The following TRHDE variants were observed in gnomAD, a reference collection of about 807,000 sequenced individuals.
The protein encoded by TRHDE is thyrotropin-releasing hormone-degrading ectoenzyme.
A neutral mutation model predicts 125.7 loss-of-function variants in TRHDE; 72 were observed. The ratio of observed to expected loss-of-function variants is 0.57; its 90% CI spans 0.47 to 0.70. The LOEUF (loss-of-function observed/expected upper bound fraction) is 0.70, where lower values mean the gene tolerates loss of function less well. Ranked by LOEUF, TRHDE falls within the 30% of genes least tolerant of loss-of-function variation. The probability of loss-of-function intolerance (pLI) is 0.00; values close to 1 mark genes in which losing one functional copy is unlikely to be tolerated. For missense variants in TRHDE, 1,110 were observed against 1,327.1 expected, an observed-to-expected ratio of 0.84 and a Z score of 2.54; for synonymous variants, 509 against 509.1, an observed-to-expected ratio of 1.00 and a Z score of 0.00.
At chr12:72,393,769 A>G (rs995403127) in intron 3 of TRHDE, among the ~76,000 whole-genome samples, 1 of 152,188 alleles carries the variant, frequency 6.6e-6, no homozygotes, top group Non-Finnish European at 1.5e-5. Flanking sequence ...AGCCTAGAGA[A>G]TAAATCTTAG....
intron 1 of TRHDE, among the ~76,000 whole-genome samples, chr12:72,094,395 T>A (rs1592437720): frequency 6.6e-6 from 1 of 152,070 alleles, no homozygotes; most frequent in East Asian, 1.9e-4. Flanking sequence ...CTGGGGTTAC[T>A]GATGAGCATA....
chr12:72,371,611 A>C lies in TRHDE; in HGVS notation c.1189-6384A>C, dbSNP rs1204996036. ...CTGTGTCCATGTGTTCTCATTGTTCAGTTCCCATCTATGAGTGAGAACATG... is the reference window on the plus strand; with the variant it reads ...CTGTGTCCATGTGTTCTCATTGTTCCGTTCCCATCTATGAGTGAGAACATG... On this transcript the variant is annotated intron_variant, in intron 2 of 18. Transcript: ENST00000261180. 5.3e-5 allele frequency among the ~76,000 whole-genome samples: 8 copies of C among 151,018 alleles called. No homozygotes were observed. In the East Asian group the frequency reaches 1.6e-3, roughly 29 times the overall value.
chr12:72,644,659 A>G (rs12370471), intron 15 of TRHDE, among the ~76,000 whole-genome samples: 10,734 of 152,288 alleles, frequency 0.07, 439 homozygotes, highest in Middle Eastern at 0.11. Context: ...GTTTGGACTA[A>G]TAAGTGTCAT....
chr12:72,512,797 A>G (rs757903456), intron 6 of TRHDE, among the ~76,000 whole-genome samples: 23 of 151,366 alleles, frequency 1.5e-4, no homozygotes, highest in Non-Finnish European at 2.9e-4. Flanking sequence ...TTGATAAATG[A>G]GAAGTATACA....
At chr12:72,226,663 A>G (rs1245029569) in intron 2 of TRHDE, among the ~76,000 whole-genome samples, 1 of 152,168 alleles carries the variant, frequency 6.6e-6, no homozygotes, top group Non-Finnish European at 1.5e-5. Context: ...TGCAATGAAG[A>G]ATACACTAAA....
chr12:72,398,479 CTATT>C (rs370021675), intron 3 of TRHDE, among the ~76,000 whole-genome samples: 17 of 152,208 alleles, frequency 1.1e-4, no homozygotes, highest in African/African-American at 3.6e-4. Flanking sequence ...ATAGCAGTGT[CTATT>C]TATTCAATTG....
At chr12:72,237,589 G>A (rs1163976709) in intron 2 of TRHDE, among the ~76,000 whole-genome samples, 1 of 152,120 alleles carries the variant, frequency 6.6e-6, no homozygotes, top group South Asian at 2.1e-4. Flanking sequence ...ATTGGTGAGG[G>A]AGTTCTCACG....
intron 16 of TRHDE, 36 bp downstream of exon 16, chr12:72,652,525 T>C: frequency 1.3e-6 from 2 of 1,520,620 alleles, no homozygotes; most frequent in Non-Finnish European, 1.8e-6. Flanking sequence ...GTTTCTCTAA[T>C]GAAAGTATTC....
rs755224514 is a variant in TRHDE, at chr12:72,509,270, G to GC, written c.1722+9636dup. 9.1e-3 allele frequency among the ~76,000 whole-genome samples: 1,351 copies of GC among 148,032 alleles called. 13 individuals carry two copies. The highest frequency in any genetic ancestry group is 0.015 in the South Asian group (69 of 4,704). ...TGCTGAAAATTCCATAATAACCACC[G>GC]CACCCCCCCGCACACACAAAATGAT... On this transcript the variant is annotated intron_variant, in intron 6 of 18. Coordinates refer to ENST00000261180, the MANE Select transcript of TRHDE (RefSeq NM_013381.3).
At chr12:72,649,463 G>A (rs770651885) in intron 15 of TRHDE, among the ~76,000 whole-genome samples, 26 of 151,888 alleles carry the variant, frequency 1.7e-4, no homozygotes, top group Non-Finnish European at 3.8e-4. Context: ...AAATCATAGG[G>A]GAAAACTTCA....
intron 3 of TRHDE, among the ~76,000 whole-genome samples, chr12:72,396,026 A>G (rs1197607742): frequency 1.3e-5 from 2 of 152,006 alleles, no homozygotes; most frequent in East Asian, 3.9e-4. Context: ...GCCATGTATG[A>G]ATTTTCTGTA....
chr12:72,160,085 T>C lies in TRHDE; in HGVS notation n.279+54333T>C, dbSNP rs369354790. On this transcript the variant is annotated intron_variant and non_coding_transcript_variant, in intron 2 of 4. Transcript: ENST00000548156. Reference sequence around the variant, plus strand: ...TCTTTAAGGGGACAGAATTTTTGCATAGGTTTGATGTTCCTTTCTTCTTTT... The same window carrying C: ...TCTTTAAGGGGACAGAATTTTTGCACAGGTTTGATGTTCCTTTCTTCTTTT... Among the ~76,000 whole-genome samples, 47 of 152,342 alleles carry C rather than the reference T, an allele frequency of 3.1e-4. No individual in the cohort carries two copies. The South Asian group carries it at 7.7e-3, about 25-fold the overall frequency.
chr12:72,536,924 T>C (rs1339385376), intron 6 of TRHDE, among the ~76,000 whole-genome samples: 1 of 152,090 alleles, frequency 6.6e-6, no homozygotes, highest in Admixed American at 6.6e-5. Flanking sequence ...TCAGTAACTC[T>C]AAGAATTTCC....
intron 2 of TRHDE, among the ~76,000 whole-genome samples, chr12:72,154,280 C>T (rs1876448665): frequency 6.6e-6 from 1 of 152,172 alleles, no homozygotes; most frequent in Non-Finnish European, 1.5e-5. Flanking sequence ...TATTTTGAGC[C>T]TATGTGTGTC....
chr12:72,566,928 A>C (rs910691045), intron 9 of TRHDE, among the ~76,000 whole-genome samples: 1 of 151,950 alleles, frequency 6.6e-6, no homozygotes, highest in Non-Finnish European at 1.5e-5. Context: ...TTCTATTTTC[A>C]GGCTTTTTCA....
At chr12:72,552,364 G>A (rs910231497) in intron 7 of TRHDE, among the ~76,000 whole-genome samples, 1 of 152,142 alleles carries the variant, frequency 6.6e-6, no homozygotes, top group African/African-American at 2.4e-5. Flanking sequence ...AATGGGCCTA[G>A]GGATAAATTC....
At chr12:72,603,736 CAA>C (rs906559079) in intron 12 of TRHDE, among the ~76,000 whole-genome samples, 15 of 149,924 alleles carry the variant, frequency 1.0e-4, no homozygotes, top group Non-Finnish European at 1.8e-4. Context: ...AAACAAAAAA[CAA>C]AAAACAAAAC....
In TRHDE at chr12:72,469,753, T is replaced by A; in HGVS notation, c.1316-5T>A. The A allele has an allele frequency of 1.9e-6, 3 of 1,613,378 alleles. No homozygotes were observed. The highest frequency in any genetic ancestry group is 1.7e-5 in the Admixed American group (1 of 59,822). ...GCCTTTGGAACTGTTTTATTTTATT[T>A]CTAGATCTTTTAGCTGTGCCTAAGC... On this transcript the variant is annotated splice_polypyrimidine_tract_variant and splice_region_variant and intron_variant, in intron 3 of 18. Transcript: ENST00000261180.
intron 13 of TRHDE, among the ~76,000 whole-genome samples, chr12:72,620,648 T>A (rs941361888): frequency 1.3e-5 from 2 of 152,182 alleles, no homozygotes; most frequent in South Asian, 4.1e-4. Context: ...GTTCTGTGTA[T>A]CTCAGCTTCA....
Sources: gnomAD v4.1 joint callset for allele counts (sites outside exome capture counted in the v4.1 genomes callset) on GRCh38, gnomAD v4.1.1 for gene constraint, MANE v1.5 for transcripts, NCBI Gene and HGNC (gene_info 2026-07-23, HGNC 2026-07-21) for gene names.